Variants in SOX6 observed in about 807,000 individuals in gnomAD.
SOX6 encodes the protein SRY-box transcription factor 6, also known as transcription factor SOX-6.
SOX6 carries 11 observed loss-of-function variants against 97.8 expected under a neutral mutation model. That is an observed-to-expected ratio of 0.11 (90% CI 0.07 to 0.19). The LOEUF (loss-of-function observed/expected upper bound fraction) is 0.19. Among genes scored for constraint, SOX6 ranks in the 10% least tolerant of loss-of-function variants. SOX6 has a pLI of 1.00. For synonymous variants in SOX6, 360 were observed against 371.4 expected (o/e 0.97, Z 0.35); for missense variants, 810 against 1,039.5 (o/e 0.78, Z 3.04).
At chr11:16,215,843 C>T (rs985563520) in intron 4 of SOX6, among the ~76,000 whole-genome samples, 2 of 152,114 alleles carry the variant, frequency 1.3e-5, no homozygotes, top group African/African-American at 4.8e-5. Context: ...AGGATGATCA[C>T]TGTTTTTGTT....
chr11:16,575,025 G>A (rs752175024), intron 4 of SOX6, among the ~76,000 whole-genome samples: 15 of 150,864 alleles, frequency 9.9e-5, no homozygotes, highest in Non-Finnish European at 2.1e-4. Context: ...GGGTGACAGA[G>A]TGAGACTCTG....
intron 1 of SOX6, among the ~76,000 whole-genome samples, chr11:16,420,721 C>A (rs867333504): frequency 6.6e-6 from 1 of 152,142 alleles, no homozygotes; most frequent in Admixed American, 6.6e-5. Flanking sequence ...TATTCTTCAA[C>A]CTCTTTTGAA....
chr11:16,155,434 A>G (rs1443630283), intron 6 of SOX6, among the ~76,000 whole-genome samples: 1 of 152,174 alleles, frequency 6.6e-6, no homozygotes, highest in African/African-American at 2.4e-5. Flanking sequence ...AGAGCCTTAG[A>G]ATAGTGTCTA....
At chr11:16,010,797 G>A (rs558662707) in intron 13 of SOX6, among the ~76,000 whole-genome samples, 31 of 151,744 alleles carry the variant, frequency 2.0e-4, no homozygotes, top group Admixed American at 6.6e-4. Context: ...TCAGCAAGTG[G>A]CACAAATACA....
At chr11:16,020,202 G>A (rs1016829968) in intron 12 of SOX6, among the ~76,000 whole-genome samples, 4 of 152,002 alleles carry the variant, frequency 2.6e-5, no homozygotes, top group Admixed American at 6.6e-5. Flanking sequence ...CTGTCCAGGC[G>A]ATGATCCAGG....
At chr11:16,151,148 AT>A (rs1047566377) in intron 6 of SOX6, among the ~76,000 whole-genome samples, 11 of 152,118 alleles carry the variant, frequency 7.2e-5, no homozygotes, top group Non-Finnish European at 1.2e-4. Context: ...TATTTTTCAC[AT>A]TTTTTTAATG....
chr11:16,656,972 A>G lies in SOX6; in HGVS notation n.430-44712T>C, dbSNP rs186602691. On this transcript the variant is annotated intron_variant and non_coding_transcript_variant, in intron 3 of 5. Transcript: ENST00000524520. ...AACCAATATTGACATATTATTATAA[A>G]CCAAAGTCCATAGTTTACATTAGAG... Among the ~76,000 whole-genome samples the G allele has an allele frequency of 2.6e-5, 4 of 152,300 alleles. No individual in the cohort carries two copies. In the East Asian group the frequency reaches 5.8e-4, roughly 22 times the overall value.
chr11:16,057,474 A>G (rs932766441), intron 9 of SOX6, among the ~76,000 whole-genome samples: 2 of 152,130 alleles, frequency 1.3e-5, no homozygotes, highest in Non-Finnish European at 2.9e-5. Flanking sequence ...TGAATATATC[A>G]GGTAATCTCT....
rs77473642 is a variant in SOX6, at chr11:16,066,390, T to A, written c.1102-10489A>T. Reference sequence around the variant, plus strand: ...ATAGAGTTACCATATGATCTAGCAGTCCCACAGCTGGTATATGCCTAAAAG... The same window carrying A: ...ATAGAGTTACCATATGATCTAGCAGACCCACAGCTGGTATATGCCTAAAAG... On this transcript the variant is annotated intron_variant, in intron 9 of 15. Coordinates refer to ENST00000683767, the MANE Select transcript of SOX6 (RefSeq NM_001367873.1). 8.8e-3 allele frequency among the ~76,000 whole-genome samples: 1,334 copies of A among 152,270 alleles called. 16 individuals carry two copies. The highest frequency in any genetic ancestry group is 0.019 in the South Asian group (91 of 4,818).
intron 3 of SOX6, among the ~76,000 whole-genome samples, chr11:16,305,928 T>C (rs1170360391): frequency 6.6e-6 from 1 of 152,084 alleles, no homozygotes; most frequent in East Asian, 1.9e-4. Context: ...AGGGGTTTGG[T>C]ATAGAAGGTG....
At chr11:16,560,235 C>A (rs1467629664) in intron 4 of SOX6, among the ~76,000 whole-genome samples, 2 of 152,132 alleles carry the variant, frequency 1.3e-5, no homozygotes, top group East Asian at 1.9e-4. Context: ...GAGGGACCTG[C>A]AAGCTCTATA....
At chr11:16,551,171 C>A (rs1847681822) in intron 4 of SOX6, among the ~76,000 whole-genome samples, 1 of 152,062 alleles carries the variant, frequency 6.6e-6, no homozygotes, top group Non-Finnish European at 1.5e-5. Context: ...CATAGTGAGA[C>A]ACCATCTTTA....
chr11:16,331,852 T>G (rs534667613), intron 2 of SOX6, among the ~76,000 whole-genome samples: 1 of 152,278 alleles, frequency 6.6e-6, no homozygotes, highest in East Asian at 1.9e-4. Context: ...TTCCTCTACC[T>G]GAATGCAACA....
At chr11:16,503,758 T>A (rs1860743005) in intron 4 of SOX6, among the ~76,000 whole-genome samples, 1 of 151,990 alleles carries the variant, frequency 6.6e-6, no homozygotes, top group Non-Finnish European at 1.5e-5. Context: ...AATTCTAAAT[T>A]TATCGGTTGG....
chr11:16,381,555 A>G (rs570304935), intron 1 of SOX6, among the ~76,000 whole-genome samples: 1 of 152,112 alleles, frequency 6.6e-6, no homozygotes, highest in East Asian at 1.9e-4. Flanking sequence ...TTTTTAAGTC[A>G]CATATATTTT....
chr11:16,138,794 T>C (rs1850048341), intron 6 of SOX6, among the ~76,000 whole-genome samples: 2 of 151,508 alleles, frequency 1.3e-5, no homozygotes, highest in East Asian at 2.0e-4. Flanking sequence ...AGTGAGAACA[T>C]GCGGTGTTTG....
intron 6 of SOX6, among the ~76,000 whole-genome samples, chr11:16,134,051 GC>G (rs1849891078): frequency 6.6e-6 from 1 of 152,182 alleles, no homozygotes; most frequent in South Asian, 2.1e-4. Flanking sequence ...AGTAATAAAG[GC>G]TACACTGATA....
chr11:15,986,926 T>C (rs1022979180), intron 14 of SOX6, among the ~76,000 whole-genome samples: 8 of 152,198 alleles, frequency 5.3e-5, no homozygotes, highest in Non-Finnish European at 8.8e-5. Flanking sequence ...AAGTCTGCCA[T>C]GGCCTAGGTA....
chr11:16,680,380 A>G (rs191270116), intron 3 of SOX6, among the ~76,000 whole-genome samples: 1 of 152,348 alleles, frequency 6.6e-6, no homozygotes, highest in Non-Finnish European at 1.5e-5. Context: ...CAAAGGGGAA[A>G]TAAAATCCTC....
Sources: gnomAD v4.1 joint callset for allele counts (sites outside exome capture counted in the v4.1 genomes callset) on GRCh38, gnomAD v4.1.1 for gene constraint, MANE v1.5 for transcripts, NCBI Gene and HGNC (gene_info 2026-07-23, HGNC 2026-07-21) for gene names.